DGKB: variants seen among roughly 807,000 people sequenced by gnomAD.
DGKB encodes 90 kDa diacylglycerol kinase.
Under a neutral mutation model 114.3 loss-of-function variants are expected in DGKB, and 67 were observed. The ratio of observed to expected loss-of-function variants is 0.59; its 90% CI spans 0.48 to 0.72. DGKB has a LOEUF of 0.72. Ranked by LOEUF, DGKB falls within the 30% of genes least tolerant of loss-of-function variation. The pLI is 0.00. For synonymous variants in DGKB, 398 were observed against 323.1 expected (o/e 1.23, Z -2.49); for missense variants, 907 against 975.2 (o/e 0.93, Z 0.93).
At chr7:14,215,330 G>C (rs1029207834) in intron 23 of DGKB, among the ~76,000 whole-genome samples, 1 of 152,100 alleles carries the variant, frequency 6.6e-6, no homozygotes, top group African/African-American at 2.4e-5. Context: ...AGCCACATTA[G>C]TCTCAAGGGT....
At chr7:14,788,220 G>A (rs1421702738) in intron 2 of DGKB, among the ~76,000 whole-genome samples, 1 of 152,192 alleles carries the variant, frequency 6.6e-6, no homozygotes, top group Non-Finnish European at 1.5e-5. Flanking sequence ...GTCTGGAGAA[G>A]GATCAGGAAC....
At chr7:14,316,669 G>C (rs1387778553) in intron 23 of DGKB, among the ~76,000 whole-genome samples, 1 of 142,750 alleles carries the variant, frequency 7.0e-6, no homozygotes, top group African/African-American at 2.6e-5. Context: ...AAGAGTCCAG[G>C]ACCAGATGGA....
intron 5 of DGKB, among the ~76,000 whole-genome samples, chr7:14,722,744 G>C (rs958026495): frequency 1.3e-5 from 2 of 151,990 alleles, no homozygotes; most frequent in Non-Finnish European, 2.9e-5. Flanking sequence ...CCCAGGAGGT[G>C]GAGGTTGCAG....
intron 21 of DGKB, among the ~76,000 whole-genome samples, chr7:14,423,315 T>C (rs1827002016): frequency 6.6e-6 from 1 of 152,052 alleles, no homozygotes; most frequent in African/African-American, 2.4e-5. Context: ...ATTTAAAAAA[T>C]GGCTCTTCTT....
At chr7:14,293,785 T>A (rs993495921) in intron 23 of DGKB, among the ~76,000 whole-genome samples, 1 of 152,180 alleles carries the variant, frequency 6.6e-6, no homozygotes, top group Non-Finnish European at 1.5e-5. Flanking sequence ...AACCCTCCAA[T>A]GGCTTCCTGC....
intron 20 of DGKB, among the ~76,000 whole-genome samples, chr7:14,539,491 T>C (rs1472697305): frequency 2.0e-5 from 3 of 152,134 alleles, no homozygotes; most frequent in Admixed American, 6.5e-5. Context: ...ACTAAAAACA[T>C]CAATAAACTT....
intron 20 of DGKB, among the ~76,000 whole-genome samples, chr7:14,528,651 G>T (rs1791040066): frequency 6.6e-6 from 1 of 151,822 alleles, no homozygotes; most frequent in Non-Finnish European, 1.5e-5. Flanking sequence ...CACATTCTAT[G>T]GAGTGAAAAC....
At chr7:14,163,517 G>T (rs1053405706) in intron 25 of DGKB, among the ~76,000 whole-genome samples, 9 of 152,182 alleles carry the variant, frequency 5.9e-5, no homozygotes, top group Non-Finnish European at 1.2e-4. Flanking sequence ...ATTTACTAAT[G>T]AAGATTTAGG....
intron 21 of DGKB, among the ~76,000 whole-genome samples, chr7:14,436,799 G>A (rs1164126602): frequency 6.6e-6 from 1 of 151,964 alleles, no homozygotes; most frequent in African/African-American, 2.4e-5. Context: ...TTTGACCTTT[G>A]TTTTAATTAA....
intron 23 of DGKB, among the ~76,000 whole-genome samples, chr7:14,296,265 T>C (rs995320865): frequency 7.9e-5 from 12 of 151,886 alleles, no homozygotes; most frequent in South Asian, 2.1e-4. Flanking sequence ...CTCCTGACCT[T>C]GTGGCCCACC....
chr7:14,363,954 T>C (rs891707574), intron 21 of DGKB, among the ~76,000 whole-genome samples: 1 of 151,942 alleles, frequency 6.6e-6, no homozygotes, highest in Admixed American at 6.6e-5. Flanking sequence ...GACTTTAACA[T>C]AGAAGAAAAG....
chr7:14,962,133 C>A (rs898210384), intron 1 of DGKB, among the ~76,000 whole-genome samples: 2 of 152,064 alleles, frequency 1.3e-5, no homozygotes, highest in African/African-American at 2.4e-5. Context: ...AATTCTCAAT[C>A]ATCAGTTTAA....
At position 14,819,810 on chromosome 7, in the gene DGKB, C is replaced by A. The variant is rs192281201; in HGVS notation, c.70+21384G>T. On this transcript the variant is annotated intron_variant, in intron 2 of 25. Coordinates refer to ENST00000402815, the MANE Select transcript of DGKB (RefSeq NM_001350709.2). Reference sequence around the variant, plus strand: ...ATCTATACCATATATCTTTAAGAGTCAAAAAAAAGTATATGAAGTAAACAC... The same window carrying A: ...ATCTATACCATATATCTTTAAGAGTAAAAAAAAAGTATATGAAGTAAACAC... Among the ~76,000 whole-genome samples the A allele has an allele frequency of 2.9e-4, 43 of 150,600 alleles. 1 individual carries two copies. In the East Asian group the frequency reaches 7.0e-3, roughly 25 times the overall value.
chr7:14,937,310 G>A (rs752484638), intron 1 of DGKB, among the ~76,000 whole-genome samples: 6 of 151,576 alleles, frequency 4.0e-5, no homozygotes, highest in Admixed American at 3.9e-4. Flanking sequence ...ATAAAAAGAC[G>A]CTCTCCTTTC....
chr7:14,777,032 G>A (rs146993609), intron 2 of DGKB, among the ~76,000 whole-genome samples: 3 of 152,318 alleles, frequency 2.0e-5, no homozygotes, highest in East Asian at 1.9e-4. Context: ...GAGACATGGA[G>A]TCAAAGGAGA....
rs187991620 is a variant in DGKB at position 14,166,647 on chromosome 7, A to C, written c.2304+10192T>G. On this transcript the variant is annotated intron_variant, in intron 25 of 25. Transcript: ENST00000402815. The stretch of plus-strand genomic sequence containing the variant: ...TATAAACCCTGGGCAGAACACATGA[A>C]GCAGATATCTGAAGTTGCTGAAAAG... Among the ~76,000 whole-genome samples the C allele has an allele frequency of 2.3e-3, 356 of 152,306 alleles. 1 individual carries two copies. The highest frequency in any genetic ancestry group is 3.0e-3 in the Non-Finnish European group (207 of 68,028).
intron 6 of DGKB, among the ~76,000 whole-genome samples, chr7:14,714,570 C>T (rs1347292881): frequency 6.6e-6 from 1 of 151,742 alleles, no homozygotes; most frequent in African/African-American, 2.4e-5. Flanking sequence ...AAGGAAGTTG[C>T]AAGAACATAC....
At chr7:14,555,251 T>C (rs1384544671) in intron 20 of DGKB, among the ~76,000 whole-genome samples, 1 of 152,208 alleles carries the variant, frequency 6.6e-6, no homozygotes, top group East Asian at 1.9e-4. Flanking sequence ...ATCTAACAAA[T>C]ATTAAATATT....
intron 20 of DGKB, among the ~76,000 whole-genome samples, chr7:14,513,620 A>G (rs1236873276): frequency 1.3e-5 from 2 of 152,028 alleles, no homozygotes; most frequent in African/African-American, 2.4e-5. Context: ...TGGGCACTAT[A>G]GTTGAAGGTC....
Sources: allele counts gnomAD v4.1 joint callset (sites outside exome capture counted in the v4.1 genomes callset), GRCh38; gene constraint gnomAD v4.1.1; transcripts MANE v1.5; gene names NCBI Gene and HGNC (gene_info 2026-07-23, HGNC 2026-07-21).